The following KCNN2 variants were observed in gnomAD, a reference collection of about 807,000 sequenced individuals.
KCNN2 encodes the protein small conductance calcium-activated potassium channel protein 2.
Under a neutral mutation model 55.5 loss-of-function variants are expected in KCNN2, and 24 were observed. The ratio of observed to expected loss-of-function variants is 0.43; its 90% CI spans 0.31 to 0.61. KCNN2 has a LOEUF of 0.61. Among genes scored for constraint, KCNN2 ranks in the 20% least tolerant of loss-of-function variants. The probability of loss-of-function intolerance (pLI) is 0.08; values close to 1 mark genes in which losing one functional copy is unlikely to be tolerated. For missense variants in KCNN2, 754 were observed against 853.6 expected (o/e 0.88, Z 1.45); for synonymous variants, 431 against 336.1 (o/e 1.28, Z -3.09).
chr5:114,254,854 A>G (rs1754950218), intron 2 of KCNN2, among the ~76,000 whole-genome samples: 1 of 152,228 alleles, frequency 6.6e-6, no homozygotes, highest in African/African-American at 2.4e-5. Context: ...AATGATTGGT[A>G]ATGTTTTCAA....
At chr5:114,443,690 C>G (rs1284987224) in intron 3 of KCNN2, among the ~76,000 whole-genome samples, 1 of 152,200 alleles carries the variant, frequency 6.6e-6, no homozygotes, top group African/African-American at 2.4e-5. Flanking sequence ...TTTAGAAGCT[C>G]TTAAAATTTT....
chr5:114,225,551 C>T (rs1002131646), intron 2 of KCNN2, among the ~76,000 whole-genome samples: 2 of 152,054 alleles, frequency 1.3e-5, no homozygotes, highest in African/African-American at 4.8e-5. Context: ...TGATATATCT[C>T]TAGCACACAG....
intron 4 of KCNN2, among the ~76,000 whole-genome samples, chr5:114,472,076 T>TTCTA (rs1376393933): frequency 6.6e-6 from 1 of 152,134 alleles, no homozygotes; most frequent in Non-Finnish European, 1.5e-5. Flanking sequence ...AGGGTTGAGA[T>TTCTA]TCTATCTGGA....
chr5:114,156,803 T>C (rs1328897355), intron 1 of KCNN2, among the ~76,000 whole-genome samples: 3 of 152,072 alleles, frequency 2.0e-5, no homozygotes, highest in East Asian at 3.9e-4. Context: ...TGTTGTAAGA[T>C]GATTTGAAAT....
intron 1 of KCNN2, among the ~76,000 whole-genome samples, chr5:114,150,665 T>C (rs997997279): frequency 1.3e-5 from 2 of 152,122 alleles, no homozygotes; most frequent in Non-Finnish European, 2.9e-5. Flanking sequence ...AAATGGAAAC[T>C]ACACCAAGGG....
intron 1 of KCNN2, among the ~76,000 whole-genome samples, chr5:114,112,453 T>G (rs1412007670): frequency 6.6e-6 from 1 of 152,210 alleles, no homozygotes; most frequent in Non-Finnish European, 1.5e-5. Context: ...GTTGTGCACA[T>G]GTACCATAGA....
At chr5:114,163,730 T>G (rs1752846922) in intron 1 of KCNN2, among the ~76,000 whole-genome samples, 1 of 152,190 alleles carries the variant, frequency 6.6e-6, no homozygotes, top group Non-Finnish European at 1.5e-5. Flanking sequence ...GATGTGTGTC[T>G]TATTATACAC....
At chr5:114,114,364 A>G (rs979655610) in intron 1 of KCNN2, among the ~76,000 whole-genome samples, 1 of 152,094 alleles carries the variant, frequency 6.6e-6, no homozygotes, top group African/African-American at 2.4e-5. Context: ...ATTAGCTAGG[A>G]TGATAGTCAT....
At chr5:114,366,205 A>G (rs376728751) in intron 2 of KCNN2, among the ~76,000 whole-genome samples, 94 of 152,330 alleles carry the variant, frequency 6.2e-4, no homozygotes, top group African/African-American at 2.2e-3. Context: ...TGATTAGGGT[A>G]TGTATTGCAT....
rs531216490 is a variant in KCNN2, at chr5:114,110,281, A to G, written c.-271+53781A>G. The stretch of plus-strand genomic sequence containing the variant: ...AGCAATATAAAGAAATGGGTCTAAG[A>G]CATAACCATGGTGTGTAAATTATTA... On this transcript the variant is annotated intron_variant, in intron 1 of 10. Coordinates refer to the KCNN2 transcript ENST00000512097. 9.2e-5 allele frequency among the ~76,000 whole-genome samples: 14 copies of G among 151,564 alleles called. No individual in the cohort carries two copies. In the East Asian group the frequency reaches 2.1e-3, roughly 23 times the overall value.
intron 2 of KCNN2, among the ~76,000 whole-genome samples, chr5:114,270,881 T>G (rs1035064571): frequency 2.0e-5 from 3 of 152,126 alleles, no homozygotes; most frequent in African/African-American, 7.2e-5. Flanking sequence ...GTTTCTTCCT[T>G]CGGGTGGGTT....
intron 2 of KCNN2, among the ~76,000 whole-genome samples, chr5:114,320,338 G>T (rs1756590999): frequency 6.6e-6 from 1 of 152,066 alleles, no homozygotes. Context: ...TCCAGGCCGG[G>T]TGCTGTGCCT....
intron 2 of KCNN2, among the ~76,000 whole-genome samples, chr5:114,239,186 A>T (rs1754569186): frequency 6.6e-6 from 1 of 152,166 alleles, no homozygotes; most frequent in Non-Finnish European, 1.5e-5. Context: ...GTGGGTGTGT[A>T]GCTTAATGGA....
chr5:114,381,091 G>T (rs1219051173), intron 2 of KCNN2, among the ~76,000 whole-genome samples: 1 of 152,150 alleles, frequency 6.6e-6, no homozygotes, highest in African/African-American at 2.4e-5. Context: ...TAAGAATGTG[G>T]ATAAAATAAC....
At chr5:114,349,106 A>T (rs1223445472) in intron 2 of KCNN2, among the ~76,000 whole-genome samples, 2 of 152,124 alleles carry the variant, frequency 1.3e-5, no homozygotes, top group Non-Finnish European at 2.9e-5. Context: ...CAATTTTGTA[A>T]CATTTTATCT....
intron 1 of KCNN2, among the ~76,000 whole-genome samples, chr5:114,094,079 G>GT (rs1751206146): frequency 6.7e-6 from 1 of 149,018 alleles, no homozygotes; most frequent in East Asian, 1.9e-4. Flanking sequence ...ATATTTGTTT[G>GT]TTTGGGTTGT....
chr5:114,121,009 G>T (rs1311775271), intron 1 of KCNN2, among the ~76,000 whole-genome samples: 1 of 152,214 alleles, frequency 6.6e-6, no homozygotes, highest in Non-Finnish European at 1.5e-5. Flanking sequence ...TGCCTTGACT[G>T]TGTCTTCCTT....
chr5:114,100,371 G>T (rs958755974), intron 1 of KCNN2, among the ~76,000 whole-genome samples: 2 of 152,080 alleles, frequency 1.3e-5, no homozygotes, highest in African/African-American at 4.8e-5. Context: ...ATATTAATTT[G>T]TTAAGTTTCT....
At chr5:114,167,567 A>T (rs893095479) in intron 1 of KCNN2, among the ~76,000 whole-genome samples, 1 of 152,104 alleles carries the variant, frequency 6.6e-6, no homozygotes, top group East Asian at 1.9e-4. Flanking sequence ...AATAATCTCT[A>T]CTTGTTCTAT....
Sources: gnomAD v4.1 joint callset for allele counts (sites outside exome capture counted in the v4.1 genomes callset) on GRCh38, gnomAD v4.1.1 for gene constraint, MANE v1.5 for transcripts, NCBI Gene and HGNC (gene_info 2026-07-23, HGNC 2026-07-21) for gene names.